The following VPS13D variants were observed in gnomAD, a reference collection of about 807,000 sequenced individuals.
VPS13D encodes the protein vacuolar protein sorting 13 homolog D.
In VPS13D, 187 loss-of-function variants were observed where a neutral mutation model predicts 461.9. The ratio of observed to expected loss-of-function variants is 0.40; its 90% CI spans 0.36 to 0.46. The LOEUF is 0.46. Ranked by LOEUF, VPS13D falls within the 20% of genes least tolerant of loss-of-function variation. VPS13D has a pLI of 0.60. For synonymous variants in VPS13D, 1,951 were observed against 1,986.3 expected, an observed-to-expected ratio of 0.98 and a Z score of 0.47; for missense variants, 4,711 against 5,364.9, an observed-to-expected ratio of 0.88 and a Z score of 3.81.
chr1:12,415,064 C>A, intron 63 of VPS13D, 23 bp from the exon 64 acceptor site: 2 of 1,612,712 alleles, frequency 1.2e-6, no homozygotes, highest in Non-Finnish European at 1.7e-6. Context: ...TTAAGTATGT[C>A]ATTTCCTTTC....
At chr1:12,247,595 G>A (rs765735708) in intron 5 of VPS13D, among the ~76,000 whole-genome samples, 1 of 151,858 alleles carries the variant, frequency 6.6e-6, no homozygotes, top group South Asian at 2.1e-4. Flanking sequence ...CTATGATTTC[G>A]ATTTGCATTT....
At chr1:12,383,845 A>C (rs1369980229) in intron 58 of VPS13D, among the ~76,000 whole-genome samples, 2 of 152,210 alleles carry the variant, frequency 1.3e-5, no homozygotes, top group East Asian at 3.8e-4. Context: ...TAAACATAGG[A>C]AGTAAATGAC....
intron 63 of VPS13D, among the ~76,000 whole-genome samples, chr1:12,409,396 A>G (rs965657673): frequency 1.2e-4 from 18 of 152,210 alleles, no homozygotes; most frequent in African/African-American, 3.4e-4. Flanking sequence ...GACACATGCA[A>G]AAAGATTATA....
intron 64 of VPS13D, 83 bp from the exon 65 acceptor site, chr1:12,416,577 C>T: frequency 1.4e-6 from 2 of 1,424,276 alleles, no homozygotes; most frequent in East Asian, 2.3e-5. Flanking sequence ...AAATAGATTT[C>T]TAAGCTCTTC....
chr1:12,487,900 C>T (rs749582890), intron 67 of VPS13D, among the ~76,000 whole-genome samples: 49 of 152,204 alleles, frequency 3.2e-4, no homozygotes, highest in Non-Finnish European at 6.0e-4. Context: ...ATTAATGGCA[C>T]TTTTCTAAAA....
intron 21 of VPS13D, among the ~76,000 whole-genome samples, chr1:12,284,509 T>C (rs1279311002): frequency 6.6e-6 from 1 of 152,264 alleles, no homozygotes; most frequent in Non-Finnish European, 1.5e-5. Flanking sequence ...AGTTTAAGGC[T>C]ATTCTGCTCT....
At chr1:12,254,504 A>C (rs1161727335) in intron 7 of VPS13D, among the ~76,000 whole-genome samples, 1 of 151,330 alleles carries the variant, frequency 6.6e-6, no homozygotes, top group Non-Finnish European at 1.5e-5. Context: ...GGATTAAAAA[A>C]ATCTCAATCT....
In VPS13D at chr1:12,238,220, C is replaced by CA. The variant is rs547132407; in HGVS notation, c.97+3863dup. Among the ~76,000 whole-genome samples the CA allele has an allele frequency of 1.2e-3, 143 of 122,794 alleles. 1 individual carries two copies. Among genetic ancestry groups the CA allele is most frequent in the African/African-American group, 4.2e-3 (131 of 31,108 alleles). The allele number at this position is 122,794 out of a possible 152,430, so 80.6% of individuals were successfully genotyped here. ...AAATATATATATATAAAATAATCCC[C>CA]AAAAAATCCCCCCCAAAAAATATAT... On this transcript the variant is annotated intron_variant, in intron 2 of 69. Transcript: ENST00000620676.
chr1:12,249,087 A>T, intron 5 of VPS13D, 136 bp from the exon 6 acceptor site: 1 of 620,218 alleles, frequency 1.6e-6, no homozygotes, highest in Non-Finnish European at 2.7e-6. Flanking sequence ...GGTTTCCTTT[A>T]GTGGCTCAAG....
chr1:12,240,649 AAAG>A (rs1416839610), intron 2 of VPS13D, among the ~76,000 whole-genome samples: 1 of 151,482 alleles, frequency 6.6e-6, no homozygotes, highest in Non-Finnish European at 1.5e-5. Context: ...ATGCTCTTCA[AAAG>A]AAGAAACTAT....
intron 21 of VPS13D, 147 bp from the exon 22 acceptor site, chr1:12,288,076 A>C: frequency 1.5e-6 from 1 of 655,396 alleles, no homozygotes; most frequent in Non-Finnish European, 2.7e-6. Context: ...TGGCTTAAGA[A>C]AGCTGAAGTG....
At position 12,277,714 on chromosome 1, in the gene VPS13D, A is replaced by G. The variant is rs1190313111; in HGVS notation, c.4126A>G (p.Ile1376Val). Residue 1376 changes from isoleucine (I) to valine (V), a missense_variant, in exon 19 of 70, where the codon ATC (isoleucine) becomes GTC (valine). This residue lies in a region of VPS13D where 4,411 missense variants were observed against 4,937.8 expected (regional missense o/e 0.89). Coordinates refer to ENST00000620676, the MANE Select transcript of VPS13D (RefSeq NM_015378.4). Reference sequence around the variant, plus strand: ...GTCTCATTTGGACACTGTAAAGCTAATCTTGAACATAAACATTGAATCACC... The same window carrying G: ...GTCTCATTTGGACACTGTAAAGCTAGTCTTGAACATAAACATTGAATCACC... ...ASSHLDTVKLILNINIESPVV... is the reference protein window; with the variant it reads ...ASSHLDTVKLVLNINIESPVV... 1 of 1,614,206 alleles carries G rather than the reference A, an allele frequency of 6.2e-7. No individual in the cohort carries two copies. The highest frequency in any genetic ancestry group is 1.3e-5 in the African/African-American group (1 of 75,044).
At chr1:12,396,750 C>T (rs770609230) in intron 60 of VPS13D, among the ~76,000 whole-genome samples, 5 of 152,214 alleles carry the variant, frequency 3.3e-5, no homozygotes, top group South Asian at 2.1e-4. Context: ...TTATATATCA[C>T]GAATAACAGA....
chr1:12,397,222 C>G (rs1225735644), intron 60 of VPS13D, among the ~76,000 whole-genome samples: 1 of 152,218 alleles, frequency 6.6e-6, no homozygotes, highest in African/African-American at 2.4e-5. Context: ...GCGTGAGCCA[C>G]CACGCCTGGC....
intron 30 of VPS13D, among the ~76,000 whole-genome samples, chr1:12,315,194 ATGT>A (rs1306460450): frequency 2.6e-5 from 4 of 152,254 alleles, no homozygotes; most frequent in Admixed American, 1.3e-4. Context: ...GTCATCAGAC[ATGT>A]TGTAAGTATA....
chr1:12,261,788 A>G (rs1641117146), intron 12 of VPS13D, 113 bp from the exon 13 acceptor site: 1 of 967,212 alleles, frequency 1.0e-6, no homozygotes, highest in Admixed American at 2.6e-5. Context: ...GTTCTTTCTT[A>G]ACAAAGGGAA....
chr1:12,397,453 T>C (rs1332328229), intron 60 of VPS13D, among the ~76,000 whole-genome samples: 5 of 152,188 alleles, frequency 3.3e-5, no homozygotes, highest in African/African-American at 1.2e-4. Context: ...GTCAGATGTG[T>C]TTAGTGAAAG....
intron 60 of VPS13D, among the ~76,000 whole-genome samples, chr1:12,398,660 A>G (rs1278915941): frequency 6.6e-6 from 1 of 152,174 alleles, no homozygotes; most frequent in Non-Finnish European, 1.5e-5. Flanking sequence ...GAGTGTGGCA[A>G]GTGTCCTCTG....
intron 65 of VPS13D, among the ~76,000 whole-genome samples, chr1:12,440,679 C>T (rs1171335534): frequency 6.6e-6 from 1 of 152,080 alleles, no homozygotes; most frequent in Non-Finnish European, 1.5e-5. Context: ...AGTTGGAGCT[C>T]AGCCTGGCCA....
Sources: allele counts gnomAD v4.1 joint callset (sites outside exome capture counted in the v4.1 genomes callset), GRCh38; gene constraint gnomAD v4.1.1; regional missense constraint gnomAD v4.1.1; transcripts MANE v1.5; gene names NCBI Gene and HGNC (gene_info 2026-07-23, HGNC 2026-07-21).